The following ITGA4 variants were observed in gnomAD, a reference collection of about 807,000 sequenced individuals.
ITGA4 encodes integrin alpha-4.
A neutral mutation model predicts 133.6 loss-of-function variants in ITGA4; 63 were observed. The observed-to-expected ratio is 0.47, with a 90% confidence interval of 0.38 to 0.58. The LOEUF (loss-of-function observed/expected upper bound fraction) is 0.58, where lower values mean the gene tolerates loss of function less well. ITGA4 is among the 20% of genes least tolerant of loss of function. The probability of loss-of-function intolerance (pLI) is 0.00; values close to 1 mark genes in which losing one functional copy is unlikely to be tolerated. For synonymous variants in ITGA4, 483 were observed against 438.0 expected (o/e 1.10, Z -1.28); for missense variants, 1,076 against 1,252.7 (o/e 0.86, Z 2.13).
intron 9 of ITGA4, among the ~76,000 whole-genome samples, chr2:181,483,380 G>T (rs905181231): frequency 1.3e-5 from 2 of 151,794 alleles, no homozygotes; most frequent in Non-Finnish European, 2.9e-5. Context: ...TTCTTGGCCC[G>T]TTCTTTGATT....
At chr2:181,525,816 T>A (rs930494842) in intron 21 of ITGA4, among the ~76,000 whole-genome samples, 1 of 152,210 alleles carries the variant, frequency 6.6e-6, no homozygotes, top group Non-Finnish European at 1.5e-5. Flanking sequence ...CAGAATTCAT[T>A]GCTTCCTCAT....
intron 2 of ITGA4, chr2:181,459,375 G>A (rs993342290): frequency 1.3e-5 from 2 of 152,102 alleles, no homozygotes; most frequent in Non-Finnish European, 2.9e-5. Context: ...GAATAAAATT[G>A]GTACTTCTTT....
At chr2:181,525,986 A>G (rs1486187744) in intron 21 of ITGA4, among the ~76,000 whole-genome samples, 4 of 152,246 alleles carry the variant, frequency 2.6e-5, no homozygotes, top group African/African-American at 9.6e-5. Context: ...TATGAGTTAC[A>G]GAACAAATAG....
At chr2:181,485,622 A>C (rs1685897074) in intron 9 of ITGA4, among the ~76,000 whole-genome samples, 1 of 152,164 alleles carries the variant, frequency 6.6e-6, no homozygotes, top group Non-Finnish European at 1.5e-5. Context: ...TATCAAAATG[A>C]TTTATTGGAT....
At chr2:181,458,402 CG>C in intron 2 of ITGA4, 85 bp downstream of exon 2, 1 of 1,499,262 alleles carries the variant, frequency 6.7e-7, no homozygotes, top group Non-Finnish European at 9.1e-7. Flanking sequence ...GAAAGATTCA[CG>C]TTGCCTGTTA....
At chr2:181,530,501 T>G (rs1686922437) in intron 23 of ITGA4, 23 bp from the exon 24 acceptor site, 1 of 1,596,902 alleles carries the variant, frequency 6.3e-7, no homozygotes, top group African/African-American at 1.3e-5. Context: ...AGATAAGATT[T>G]CTCTTGCTTT....
intron 9 of ITGA4, among the ~76,000 whole-genome samples, chr2:181,484,384 C>T (rs1559043279): frequency 6.6e-6 from 1 of 152,162 alleles, no homozygotes; most frequent in African/African-American, 2.4e-5. Flanking sequence ...AGAGTGATCA[C>T]CTCTTCCTAT....
intron 4 of ITGA4, among the ~76,000 whole-genome samples, chr2:181,477,015 A>T (rs1685692477): frequency 6.6e-6 from 1 of 152,102 alleles, no homozygotes; most frequent in South Asian, 2.1e-4. Context: ...AAAACTACCT[A>T]TCAGGTACTA....
intron 15 of ITGA4, among the ~76,000 whole-genome samples, chr2:181,507,619 A>G (rs1686420635): frequency 1.3e-5 from 2 of 152,120 alleles, no homozygotes; most frequent in Non-Finnish European, 2.9e-5. Context: ...AGTCCCTTAT[A>G]TAAAATTGTG....
chr2:181,491,182 C>T (rs1686044378), intron 10 of ITGA4, among the ~76,000 whole-genome samples: 1 of 152,292 alleles, frequency 6.6e-6, no homozygotes, highest in East Asian at 1.9e-4. Context: ...TGAAAAGGCT[C>T]ATCTGTATTT....
chr2:181,503,853 A>G (rs1344448135), intron 15 of ITGA4, among the ~76,000 whole-genome samples: 2 of 152,034 alleles, frequency 1.3e-5, no homozygotes, highest in Non-Finnish European at 1.5e-5. Context: ...TTATTTAAAT[A>G]TACAACTTCA....
chr2:181,478,151 T>A, intron 4 of ITGA4, among the ~76,000 whole-genome samples: 1 of 152,086 alleles, frequency 6.6e-6, no homozygotes, highest in East Asian at 1.9e-4. Flanking sequence ...TGATCTCACC[T>A]ATCTGTGGAA....
intron 2 of ITGA4, among the ~76,000 whole-genome samples, chr2:181,460,061 GA>G (rs1261139346): frequency 6.6e-6 from 1 of 152,194 alleles, no homozygotes; most frequent in East Asian, 1.9e-4. Flanking sequence ...TGAATTAAAT[GA>G]AGATCTTTTG....
In ITGA4 at chr2:181,482,422, G is replaced by C; in HGVS notation, c.903G>C (p.Lys301Asn). 6.2e-7 allele frequency: 1 copy of C among 1,613,146 alleles called. No homozygotes were observed. Among genetic ancestry groups the C allele is most frequent in the African/African-American group, 1.3e-5 (1 of 74,954 alleles). The change falls in exon 8 of 28, where the codon AAG becomes AAC. Residue 301 changes from lysine (K) to asparagine (N), a missense_variant and splice_region_variant. This residue lies in a region of ITGA4 where 436 missense variants were observed against 590.7 expected (regional missense o/e 0.74). Transcript: ENST00000397033. ...TCTTACATGAAATGAAAGGTAAAAAGGTAATATGTCTCTACCTTTAGTATC... is the reference window on the plus strand; with the variant it reads ...TCTTACATGAAATGAAAGGTAAAAACGTAATATGTCTCTACCTTTAGTATC... Reference protein sequence around the residue: ...LNILHEMKGKKLGSYFGASVC... With the variant: ...LNILHEMKGKNLGSYFGASVC...
chr2:181,474,314 A>T (rs986348829), intron 2 of ITGA4, among the ~76,000 whole-genome samples: 1 of 152,224 alleles, frequency 6.6e-6, no homozygotes, highest in African/African-American at 2.4e-5. Flanking sequence ...TTGCCAAAGT[A>T]TCTATTGAAG....
intron 27 of ITGA4, among the ~76,000 whole-genome samples, chr2:181,535,180 C>CGGAATGTCAA (rs1160951155): frequency 1.3e-5 from 2 of 152,038 alleles, no homozygotes; most frequent in African/African-American, 4.8e-5. Flanking sequence ...GCAAATTACA[C>CGGAATGTCAA]GGAATGTCAA....
At position 181,522,242 on chromosome 2, in the gene ITGA4, GT is replaced by G; in HGVS notation, c.1976del (p.Leu659Ter). On this transcript the variant is annotated frameshift_variant, in exon 18 of 28. Coordinates refer to ENST00000397033, the MANE Select transcript of ITGA4 (RefSeq NM_000885.6). LOFTEE classifies it high-confidence loss of function. ...LAVGSMKTLM[L>X]NVSLFNAGDD... ...CTGTTGGGAGTATGAAGACATTGAT[GT>G]TGAATGTGTCCTTGTTTAATGCTGG... The G allele has an allele frequency of 6.5e-7, 1 of 1,541,012 alleles. No individual in the cohort carries two copies. Among genetic ancestry groups the G allele is most frequent in the Non-Finnish European group, 8.8e-7 (1 of 1,131,848 alleles).
rs560326826 is a variant in ITGA4, at chr2:181,528,969, T to C, written c.2431-572T>C. 1.8e-4 allele frequency among the ~76,000 whole-genome samples: 27 copies of C among 152,352 alleles called. No individual in the cohort carries two copies. In the South Asian group the frequency reaches 5.6e-3, roughly 32 times the overall value. On this transcript the variant is annotated intron_variant, in intron 22 of 27. Coordinates refer to ENST00000397033, the MANE Select transcript of ITGA4 (RefSeq NM_000885.6). ...CCCAACAACATACTTTTCTTCTGAA[T>C]GCATCAGCATATAGATCCTGAATAA... is the stretch of plus-strand genomic sequence containing the variant.
chr2:181,466,589 C>G (rs1685422340), intron 2 of ITGA4, among the ~76,000 whole-genome samples: 1 of 152,018 alleles, frequency 6.6e-6, no homozygotes, highest in African/African-American at 2.4e-5. Context: ...TTTTACTTTC[C>G]ATCACCCAAA....
Sources: gnomAD v4.1 joint callset for allele counts (sites outside exome capture counted in the v4.1 genomes callset) on GRCh38, gnomAD v4.1.1 for gene constraint, gnomAD v4.1.1 regional missense constraint, MANE v1.5 for transcripts, NCBI Gene and HGNC (gene_info 2026-07-23, HGNC 2026-07-21) for gene names.